The following ZNF804A variants were observed in gnomAD, a reference collection of about 807,000 sequenced individuals.
ZNF804A encodes zinc finger protein 804A.
In ZNF804A, 2 loss-of-function variants were observed where a neutral mutation model predicts 16.5. The ratio of observed to expected loss-of-function variants is 0.12; its 90% CI spans 0.05 to 0.38. The LOEUF is 0.38. Ranked by LOEUF, ZNF804A falls within the 10% of genes least tolerant of loss-of-function variation. The probability of loss-of-function intolerance (pLI) is 0.99; values close to 1 mark genes in which losing one functional copy is unlikely to be tolerated. For missense variants in ZNF804A, 1,473 were observed against 1,390.7 expected (o/e 1.06, Z -0.94); for synonymous variants, 534 against 489.6 (o/e 1.09, Z -1.20).
Position 184,714,210 on chromosome 2 carries a change from C to T in ZNF804A, c.111+115140C>T, listed in dbSNP as rs561508488. 1.0e-3 allele frequency among the ~76,000 whole-genome samples: 154 copies of T among 152,086 alleles called. 1 individual carries two copies. Among genetic ancestry groups the T allele is most frequent in the Non-Finnish European group, 2.0e-3 (135 of 67,922 alleles). On this transcript the variant is annotated intron_variant, in intron 1 of 3. Transcript: ENST00000302277. ...TTTGAATTAAAATACAAAAGTCATT[C>T]AGAAACATTCAGGTGCCTCCCTCTT...
intron 1 of ZNF804A, among the ~76,000 whole-genome samples, chr2:184,781,259 G>A (rs981952662): frequency 3.3e-5 from 5 of 151,670 alleles, no homozygotes; most frequent in Non-Finnish European, 7.4e-5. Flanking sequence ...TTTTGGCTTT[G>A]CAATGGGCCA....
At position 184,858,743 on chromosome 2, in the gene ZNF804A, C is replaced by T. The variant is rs373009677; in HGVS notation, c.112-7626C>T. On this transcript the variant is annotated intron_variant, in intron 1 of 3. Transcript: ENST00000302277. The stretch of plus-strand genomic sequence containing the variant: ...ATTATTAGATTATTCTTAATTTGTA[C>T]CTACTTTTTCAGTACTCACTTTTAT... Among the ~76,000 whole-genome samples the T allele has an allele frequency of 2.6e-5, 4 of 152,118 alleles. No individual in the cohort carries two copies. The East Asian group carries it at 5.8e-4, about 22-fold the overall frequency.
intron 1 of ZNF804A, among the ~76,000 whole-genome samples, chr2:184,813,145 T>C (rs1276699509): frequency 6.6e-6 from 1 of 152,148 alleles, no homozygotes; most frequent in African/African-American, 2.4e-5. Flanking sequence ...TATTTAATTG[T>C]TCATTTTAAC....
intron 2 of ZNF804A, among the ~76,000 whole-genome samples, chr2:184,908,912 A>G (rs564139839): frequency 3.9e-5 from 6 of 152,238 alleles, no homozygotes; most frequent in Admixed American, 6.5e-5. Flanking sequence ...AGTCCTAAAA[A>G]TAAAGGTAAA....
Position 184,613,385 on chromosome 2 carries a change from G to A in ZNF804A, c.111+14315G>A, listed in dbSNP as rs547475956. 3.3e-5 allele frequency among the ~76,000 whole-genome samples: 5 copies of A among 152,218 alleles called. No individual in the cohort carries two copies. The South Asian group carries it at 1.0e-3, about 32-fold the overall frequency. On this transcript the variant is annotated intron_variant, in intron 1 of 3. Coordinates refer to ENST00000302277, the MANE Select transcript of ZNF804A (RefSeq NM_194250.2). ...GCCTGTCTGAATGTTTGTTTCTCCT[G>A]AAGTCCACAGAATTCTACTAGCATC...
At chr2:184,760,624 C>G (rs1455312594) in intron 1 of ZNF804A, among the ~76,000 whole-genome samples, 3 of 152,064 alleles carry the variant, frequency 2.0e-5, no homozygotes, top group Admixed American at 2.0e-4. Flanking sequence ...AACAAGAAGC[C>G]ATATGCTCTT....
intron 2 of ZNF804A, among the ~76,000 whole-genome samples, chr2:184,890,131 G>A (rs1684957822): frequency 6.6e-6 from 1 of 152,220 alleles, no homozygotes; most frequent in Non-Finnish European, 1.5e-5. Flanking sequence ...AGGAAAGTAT[G>A]ATTCATGTCA....
At chr2:184,609,585 T>C (rs1479583553) in intron 1 of ZNF804A, among the ~76,000 whole-genome samples, 1 of 152,232 alleles carries the variant, frequency 6.6e-6, no homozygotes, top group Non-Finnish European at 1.5e-5. Flanking sequence ...CAAGATCAAG[T>C]TCCTAGCTGA....
chr2:184,636,321 TGA>T (rs147915572), intron 1 of ZNF804A, among the ~76,000 whole-genome samples: 13 of 147,738 alleles, frequency 8.8e-5, no homozygotes, highest in South Asian at 8.6e-4. Context: ...TGTGTGTGTG[TGA>T]GAGAGAGAGA....
At position 184,792,448 on chromosome 2, in the gene ZNF804A, T is replaced by C. The variant is rs186572619; in HGVS notation, c.112-73921T>C. Among the ~76,000 whole-genome samples the C allele has an allele frequency of 5.4e-4, 83 of 152,312 alleles. 2 individuals are homozygous for C. The highest frequency in any genetic ancestry group is 6.8e-3 in the Middle Eastern group (2 of 294). On this transcript the variant is annotated intron_variant, in intron 1 of 3. Coordinates refer to ENST00000302277, the MANE Select transcript of ZNF804A (RefSeq NM_194250.2). The stretch of plus-strand genomic sequence containing the variant: ...TATCTTTTCAGATCCTTTTTTGCCA[T>C]CTGTTTATCTTCTTTTGTGAGGTGC...
chr2:184,737,890 G>A (rs1053210625), intron 1 of ZNF804A, among the ~76,000 whole-genome samples: 6 of 152,066 alleles, frequency 3.9e-5, no homozygotes, highest in Non-Finnish European at 5.9e-5. Flanking sequence ...TTGGAAGGCC[G>A]AGGCAGGCTG....
At chr2:184,600,435 A>C (rs1359148078) in intron 1 of ZNF804A, among the ~76,000 whole-genome samples, 1 of 152,190 alleles carries the variant, frequency 6.6e-6, no homozygotes, top group African/African-American at 2.4e-5. Context: ...AGAAAGTGAA[A>C]ATACTCTTCT....
intron 1 of ZNF804A, among the ~76,000 whole-genome samples, chr2:184,640,829 T>A (rs1480478): frequency 0.56 from 85,577 of 152,074 alleles, 25,107 homozygotes; most frequent in African/African-American, 0.69. Context: ...CCCGTCTTGA[T>A]AATGAACATC....
chr2:184,751,011 C>A (rs1276065789), intron 1 of ZNF804A, among the ~76,000 whole-genome samples: 1 of 151,364 alleles, frequency 6.6e-6, no homozygotes, highest in Non-Finnish European at 1.5e-5. Context: ...GAAGGATATT[C>A]CCCTGTTTTT....
At chr2:184,740,425 A>C (rs916155649) in intron 1 of ZNF804A, among the ~76,000 whole-genome samples, 2 of 152,222 alleles carry the variant, frequency 1.3e-5, no homozygotes, top group African/African-American at 4.8e-5. Context: ...CTATCCAAAG[A>C]CTGCACTTTG....
At chr2:184,845,005 T>C (rs978875912) in intron 1 of ZNF804A, among the ~76,000 whole-genome samples, 2 of 152,068 alleles carry the variant, frequency 1.3e-5, no homozygotes, top group African/African-American at 4.8e-5. Flanking sequence ...AATGGATAAG[T>C]CTGTTGAAGA....
chr2:184,599,937 C>G (rs545716642), intron 1 of ZNF804A, among the ~76,000 whole-genome samples: 12 of 152,246 alleles, frequency 7.9e-5, no homozygotes, highest in African/African-American at 2.9e-4. Context: ...GTTTGGAGAA[C>G]TATACACCTC....
intron 2 of ZNF804A, among the ~76,000 whole-genome samples, chr2:184,901,889 G>GTA (rs1317469680): frequency 1.3e-5 from 2 of 151,570 alleles, no homozygotes; most frequent in East Asian, 1.9e-4. Flanking sequence ...ATATATATGA[G>GTA]TATATATATA....
chr2:184,905,294 C>T (rs1685252623), intron 2 of ZNF804A, among the ~76,000 whole-genome samples: 1 of 152,102 alleles, frequency 6.6e-6, no homozygotes, highest in African/African-American at 2.4e-5. Flanking sequence ...CGATAATACT[C>T]AACTACCACT....
Sources: gnomAD v4.1 joint callset for allele counts (sites outside exome capture counted in the v4.1 genomes callset) on GRCh38, gnomAD v4.1.1 for gene constraint, MANE v1.5 for transcripts, NCBI Gene and HGNC (gene_info 2026-07-23, HGNC 2026-07-21) for gene names.